The following VWC2L variants were observed in gnomAD, a reference collection of about 807,000 sequenced individuals.
VWC2L encodes the protein von Willebrand factor C domain containing 2 like.
VWC2L carries 10 observed loss-of-function variants against 21.6 expected under a neutral mutation model. The ratio of observed to expected loss-of-function variants is 0.46; its 90% CI spans 0.29 to 0.78. The LOEUF (loss-of-function observed/expected upper bound fraction) is 0.78, where lower values mean the gene tolerates loss of function less well. VWC2L is among the 30% of genes least tolerant of loss of function. VWC2L has a pLI of 0.10. For missense variants in VWC2L, 209 were observed against 277.1 expected, an observed-to-expected ratio of 0.75 and a Z score of 1.74; for synonymous variants, 96 against 94.3, an observed-to-expected ratio of 1.02 and a Z score of -0.10.
chr2:214,574,657 C>A (rs1296688121), intron 3 of VWC2L, among the ~76,000 whole-genome samples: 1 of 152,156 alleles, frequency 6.6e-6, no homozygotes, highest in Non-Finnish European at 1.5e-5. Flanking sequence ...CATTCTCTCT[C>A]TTTACCCAAA....
chr2:214,436,285 G>C (rs1339164530), intron 2 of VWC2L: 1 of 187,048 alleles, frequency 5.3e-6, no homozygotes, highest in Non-Finnish European at 1.1e-5. Flanking sequence ...TAGAATGCCT[G>C]TTTACGAGAG....
At chr2:214,441,870 A>C (rs1445111382) in intron 3 of VWC2L, among the ~76,000 whole-genome samples, 1 of 151,490 alleles carries the variant, frequency 6.6e-6, no homozygotes, top group Non-Finnish European at 1.5e-5. Flanking sequence ...TTAAAATAAA[A>C]TATGTATCTT....
chr2:214,465,044 C>T (rs1054047320), intron 3 of VWC2L, among the ~76,000 whole-genome samples: 10 of 151,940 alleles, frequency 6.6e-5, no homozygotes, highest in Non-Finnish European at 5.9e-5. Flanking sequence ...ATGGGCTCCC[C>T]GCTGTCCCAG....
At chr2:214,492,106 A>C (rs1027734201) in intron 3 of VWC2L, among the ~76,000 whole-genome samples, 1 of 152,246 alleles carries the variant, frequency 6.6e-6, no homozygotes, top group African/African-American at 2.4e-5. Context: ...GCATAATGAC[A>C]GCTGATCTAA....
intron 1 of VWC2L, among the ~76,000 whole-genome samples, chr2:214,413,161 G>A (rs573955894): frequency 8.5e-5 from 13 of 152,116 alleles, no homozygotes; most frequent in Non-Finnish European, 1.8e-4. Flanking sequence ...AGAATTTTAT[G>A]CTGGCATCTT....
In VWC2L at chr2:214,437,364, T is replaced by A. The variant is rs551133379; in HGVS notation, c.520+606T>A. On this transcript the variant is annotated intron_variant, in intron 3 of 3. Coordinates refer to ENST00000312504, the MANE Select transcript of VWC2L (RefSeq NM_001080500.4). ...TATTTACGACATTATAGGTTCCTTT[T>A]TGTCCCTCATGGAATGGAGAGGTTG... is the stretch of plus-strand genomic sequence containing the variant. Among the ~76,000 whole-genome samples, 43 of 152,220 alleles carry A rather than the reference T, an allele frequency of 2.8e-4. 1 individual carries two copies. Among genetic ancestry groups the A allele is most frequent in the African/African-American group, 1.0e-3 (43 of 41,562 alleles).
Position 214,438,576 on chromosome 2 carries a change from C to T in VWC2L, c.520+1818C>T, listed in dbSNP as rs114378523. ...ATAGAATTAGAACATGTAAAGCATA[C>T]GTTTAAAACAGTTTTTACACATGCA... is the stretch of plus-strand genomic sequence containing the variant. On this transcript the variant is annotated intron_variant, in intron 3 of 3. Transcript: ENST00000312504. Among the ~76,000 whole-genome samples the T allele has an allele frequency of 2.8e-3, 429 of 152,108 alleles. 1 individual carries two copies. Among genetic ancestry groups the T allele is most frequent in the African/African-American group, 9.9e-3 (413 of 41,550 alleles).
At chr2:214,490,793 A>G (rs1036304600) in intron 3 of VWC2L, among the ~76,000 whole-genome samples, 2 of 152,216 alleles carry the variant, frequency 1.3e-5, no homozygotes, top group African/African-American at 4.8e-5. Flanking sequence ...CAAGCTCTCA[A>G]TTGCTGCATA....
intron 3 of VWC2L, among the ~76,000 whole-genome samples, chr2:214,549,510 C>T (rs369295975): frequency 4.6e-5 from 7 of 152,254 alleles, no homozygotes; most frequent in African/African-American, 1.7e-4. Context: ...CGCAGTGGCT[C>T]ACGACTGTAA....
Position 214,563,546 on chromosome 2 carries a change from C to CAAAA in VWC2L, c.521-12094_521-12091dup, listed in dbSNP as rs55864016. 3.6e-3 allele frequency among the ~76,000 whole-genome samples: 346 copies of CAAAA among 95,800 alleles called. 19 individuals carry two copies. The highest frequency in any genetic ancestry group is 4.9e-3 in the Non-Finnish European group (234 of 48,178). 62.8% of individuals were successfully genotyped at this position (95,800 alleles called of 152,430 possible). On this transcript the variant is annotated intron_variant, in intron 3 of 3. Transcript: ENST00000312504. ...TGGGTGACACAGCAAGACTCCGTCT[C>CAAAA]AAAAAAAAAAAAAAAAAAAAAAAAA...
intron 3 of VWC2L, among the ~76,000 whole-genome samples, chr2:214,474,570 G>A (rs1688477836): frequency 6.6e-6 from 1 of 152,096 alleles, no homozygotes; most frequent in African/African-American, 2.4e-5. Flanking sequence ...CTTTCATTTT[G>A]TTCCCTGATC....
chr2:214,520,709 CA>C (rs1419313571), intron 3 of VWC2L, among the ~76,000 whole-genome samples: 1 of 151,802 alleles, frequency 6.6e-6, no homozygotes, highest in Non-Finnish European at 1.5e-5. Flanking sequence ...ATTTGGTAGA[CA>C]AAAAACAGTA....
At chr2:214,511,919 TACACACACACAC>T (rs67983945) in intron 3 of VWC2L, among the ~76,000 whole-genome samples, 29 of 145,366 alleles carry the variant, frequency 2.0e-4, no homozygotes, top group Middle Eastern at 3.6e-3. Flanking sequence ...TATATACATA[TACACACACACAC>T]ACACACACAC....
At chr2:214,443,089 G>A (rs928575725) in intron 3 of VWC2L, among the ~76,000 whole-genome samples, 1 of 151,986 alleles carries the variant, frequency 6.6e-6, no homozygotes, top group African/African-American at 2.4e-5. Context: ...TTGTATCGAA[G>A]TCATGAAAAG....
chr2:214,508,413 C>G (rs1360697523), intron 3 of VWC2L, among the ~76,000 whole-genome samples: 1 of 152,318 alleles, frequency 6.6e-6, no homozygotes, highest in African/African-American at 2.4e-5. Context: ...CTGTCTACTC[C>G]CAAACTGCCA....
chr2:214,553,592 C>T (rs554906179), intron 3 of VWC2L, among the ~76,000 whole-genome samples: 57 of 152,254 alleles, frequency 3.7e-4, no homozygotes, highest in Non-Finnish European at 7.2e-4. Context: ...TAGCAGGCTT[C>T]AGAGAGAATA....
chr2:214,459,122 G>A (rs1270815562), intron 3 of VWC2L, among the ~76,000 whole-genome samples: 3 of 152,026 alleles, frequency 2.0e-5, no homozygotes, highest in East Asian at 3.9e-4. Flanking sequence ...GTTTAGAATT[G>A]TTATATCTTG....
intron 2 of VWC2L, among the ~76,000 whole-genome samples, chr2:214,435,689 T>A (rs1702669271): frequency 6.6e-6 from 1 of 152,110 alleles, no homozygotes; most frequent in Non-Finnish European, 1.5e-5. Flanking sequence ...AATGGCTTGA[T>A]TTGAGAAATG....
rs2105936789 is a variant in VWC2L, at chr2:214,576,310, T to C, written c.*490T>C. On this transcript the variant is annotated 3_prime_UTR_variant, in exon 4 of 4. Transcript: ENST00000312504. ...AAAAAAAAAGTTTGGTAAAGGAATG[T>C]CAGGGGAAATATCTTTCCCGAGCTG... The C allele has an allele frequency of 6.6e-6, 1 of 152,240 alleles. No individual in the cohort carries two copies. The highest frequency in any genetic ancestry group is 2.1e-4 in the South Asian group (1 of 4,826). The allele number at this position is 152,240 out of a possible 1,614,324, so 9.4% of individuals were successfully genotyped here.
Sources: gnomAD v4.1 joint callset for allele counts (sites outside exome capture counted in the v4.1 genomes callset) on GRCh38, gnomAD v4.1.1 for gene constraint, MANE v1.5 for transcripts, NCBI Gene and HGNC (gene_info 2026-07-23, HGNC 2026-07-21) for gene names.